PTPRN2: variants seen among roughly 807,000 people sequenced by gnomAD.
The protein encoded by PTPRN2 is protein tyrosine phosphatase receptor type N2, also known as receptor-type tyrosine-protein phosphatase N2.
Under a neutral mutation model 118.8 loss-of-function variants are expected in PTPRN2, and 74 were observed. The observed-to-expected ratio is 0.62, with a 90% CI of 0.52 to 0.76. PTPRN2 has a LOEUF of 0.76. Ranked by LOEUF, PTPRN2 falls within the 30% of genes least tolerant of loss-of-function variation. The pLI is 0.00. For missense variants in PTPRN2, 1,481 were observed against 1,394.4 expected (o/e 1.06, Z -0.99); for synonymous variants, 641 against 608.0 (o/e 1.05, Z -0.80).
chr7:157,709,874 T>A (rs1391096141), intron 12 of PTPRN2, among the ~76,000 whole-genome samples: 1 of 152,218 alleles, frequency 6.6e-6, no homozygotes, highest in East Asian at 1.9e-4. Flanking sequence ...TCCTCATCAG[T>A]GAGCAGACAA....
rs1481861105 is a variant in PTPRN2, at chr7:157,676,211, A to C, written c.2001+6514T>G. Reference sequence around the variant, plus strand: ...TGGGAGGACCTCTTCCCTCTAGCCCAGTTCCTCCTGGCAGCCCTGCAAATG... The same window carrying C: ...TGGGAGGACCTCTTCCCTCTAGCCCCGTTCCTCCTGGCAGCCCTGCAAATG... On this transcript the variant is annotated intron_variant, in intron 13 of 22. Coordinates refer to ENST00000389418, the MANE Select transcript of PTPRN2 (RefSeq NM_002847.5). The surrounding 1 kb of genome is among the most constrained non-coding windows in gnomAD (Gnocchi z 5.6). 6.6e-6 allele frequency among the ~76,000 whole-genome samples: 1 copy of C among 152,052 alleles called. No individual in the cohort carries two copies. Among genetic ancestry groups the C allele is most frequent in the Non-Finnish European group, 1.5e-5 (1 of 67,996 alleles).
intron 6 of PTPRN2, among the ~76,000 whole-genome samples, chr7:158,150,965 G>A (rs144838214): frequency 4.9e-4 from 75 of 151,628 alleles, no homozygotes; most frequent in Middle Eastern, 6.8e-3. Context: ...ATCCCACCCT[G>A]CTTACAGCAA....
intron 12 of PTPRN2, among the ~76,000 whole-genome samples, chr7:157,693,699 C>G (rs1797632668): frequency 6.6e-6 from 1 of 152,100 alleles, no homozygotes; most frequent in African/African-American, 2.4e-5. Context: ...AGGCCGGCTC[C>G]GGGCAGAGGC....
intron 11 of PTPRN2, among the ~76,000 whole-genome samples, chr7:157,955,440 G>A (rs962901543): frequency 6.6e-6 from 1 of 152,058 alleles, no homozygotes; most frequent in African/African-American, 2.4e-5. Context: ...GCAGCCAGGG[G>A]AGGGCTTACC....
chr7:157,612,680 C>T (rs1186894943), intron 15 of PTPRN2, among the ~76,000 whole-genome samples: 1 of 152,188 alleles, frequency 6.6e-6, no homozygotes, highest in Non-Finnish European at 1.5e-5. Context: ...GCCAAGCAGG[C>T]GCGTCTGGAA....
At chr7:158,326,610 TCA>T (rs1229310162) in intron 2 of PTPRN2, among the ~76,000 whole-genome samples, 9 of 151,586 alleles carry the variant, frequency 5.9e-5, no homozygotes, top group Non-Finnish European at 1.0e-4. Context: ...GCACACGTTC[TCA>T]CACACATGCA....
At chr7:157,586,190 C>T (rs1800660927) in intron 17 of PTPRN2, among the ~76,000 whole-genome samples, 1 of 152,270 alleles carries the variant, frequency 6.6e-6, no homozygotes. Context: ...TAAGAATGAA[C>T]ACAACTCTCA....
chr7:157,879,166 C>T (rs1263349867), intron 12 of PTPRN2, among the ~76,000 whole-genome samples: 1 of 144,294 alleles, frequency 6.9e-6, no homozygotes, highest in Admixed American at 6.9e-5. Flanking sequence ...CAGTGTGATA[C>T]CGTGCACCCA....
rs551761901 is a variant in PTPRN2 at position 157,890,172 on chromosome 7, G to A, written c.1788+8501C>T. ...TCGGAGTTTGATTACTGAGCCAAAG[G>A]GGAAGAGTTTTTGTTTGTTGGTTTG... On this transcript the variant is annotated intron_variant, in intron 12 of 22. Transcript: ENST00000389418. Among the ~76,000 whole-genome samples, 8 of 152,078 alleles carry A rather than the reference G, an allele frequency of 5.3e-5. 1 individual carries two copies. In the East Asian group the frequency reaches 1.5e-3, roughly 29 times the overall value.
rs536604058 is a variant in PTPRN2, at chr7:157,979,538, T to C, written c.1724-80801A>G. On this transcript the variant is annotated intron_variant, in intron 11 of 22. Coordinates refer to ENST00000389418, the MANE Select transcript of PTPRN2 (RefSeq NM_002847.5). ...CATTTAACACATGACAGTCCTCTAA[T>C]GCAGACACTATGGGAGCCCACATTT... Among the ~76,000 whole-genome samples, 95 of 152,344 alleles carry C rather than the reference T, an allele frequency of 6.2e-4. 4 individuals carry two copies. In the South Asian group the frequency reaches 0.019, roughly 31 times the overall value.
At chr7:157,577,063 T>G (rs1460805705) in intron 18 of PTPRN2, among the ~76,000 whole-genome samples, 1 of 152,182 alleles carries the variant, frequency 6.6e-6, no homozygotes, top group Non-Finnish European at 1.5e-5. Flanking sequence ...ACTATCCTAC[T>G]TTCTGTCTTT....
intron 3 of PTPRN2, among the ~76,000 whole-genome samples, chr7:158,264,815 C>T (rs1043534668): frequency 2.6e-5 from 4 of 152,226 alleles, no homozygotes; most frequent in South Asian, 2.1e-4. Context: ...TCCAGAACAG[C>T]GATGCTGCTT....
In PTPRN2 at chr7:157,676,621, G is replaced by A. The variant is rs1011860647; in HGVS notation, c.2001+6104C>T. On this transcript the variant is annotated intron_variant, in intron 13 of 22. Transcript: ENST00000389418. This position sits in a 1 kb window ranked among gnomAD's most constrained non-coding sequence, Gnocchi z 5.6. The stretch of plus-strand genomic sequence containing the variant: ...ACCCTGCAGTGGGGACAGCGCAGCT[G>A]GGGACCGCCCAGTGCAGCTCTGCCA... 4.6e-5 allele frequency among the ~76,000 whole-genome samples: 7 copies of A among 152,250 alleles called. No individual in the cohort carries two copies. The highest frequency in any genetic ancestry group is 1.7e-4 in the African/African-American group (7 of 41,466).
At chr7:158,177,621 C>G (rs1824334785) in intron 5 of PTPRN2, among the ~76,000 whole-genome samples, 1 of 152,166 alleles carries the variant, frequency 6.6e-6, no homozygotes, top group Non-Finnish European at 1.5e-5. Flanking sequence ...CTACAGCTTT[C>G]CAAACTGGAA....
At chr7:157,563,099 C>A (rs1799288665) in intron 21 of PTPRN2, among the ~76,000 whole-genome samples, 1 of 134,110 alleles carries the variant, frequency 7.5e-6, no homozygotes, top group Non-Finnish European at 1.6e-5. Flanking sequence ...CGTCACCACA[C>A]ACAGCAGATC....
intron 9 of PTPRN2, among the ~76,000 whole-genome samples, chr7:158,129,564 C>T (rs1219891250): frequency 6.6e-6 from 1 of 150,860 alleles, no homozygotes; most frequent in Non-Finnish European, 1.5e-5. Flanking sequence ...CAACACATAC[C>T]ACATGCAACA....
intron 12 of PTPRN2, among the ~76,000 whole-genome samples, chr7:157,853,532 C>A (rs1392717634): frequency 6.6e-6 from 1 of 152,030 alleles, no homozygotes; most frequent in Non-Finnish European, 1.5e-5. Context: ...AAATCCAGCA[C>A]AAGCCCCGTG....
At chr7:157,581,188 C>A (rs1196511367) in intron 17 of PTPRN2, among the ~76,000 whole-genome samples, 2 of 152,226 alleles carry the variant, frequency 1.3e-5, no homozygotes, top group Admixed American at 1.3e-4. Context: ...AGCACTTGCA[C>A]CACCATCCCT....
At chr7:157,687,237 T>G (rs1309929573) in intron 12 of PTPRN2, among the ~76,000 whole-genome samples, 1 of 152,160 alleles carries the variant, frequency 6.6e-6, no homozygotes, top group Non-Finnish European at 1.5e-5. Context: ...GTCCATGTGG[T>G]AAGCTTAAAA....
Sources: allele counts gnomAD v4.1 joint callset (sites outside exome capture counted in the v4.1 genomes callset), GRCh38; gene constraint gnomAD v4.1.1; non-coding constraint Gnocchi (gnomAD v3.1); transcripts MANE v1.5; gene names NCBI Gene and HGNC (gene_info 2026-07-23, HGNC 2026-07-21).